The following TRAPPC9 variants were observed in gnomAD, a reference collection of about 807,000 sequenced individuals.
TRAPPC9 encodes the protein IKK2 binding protein.
In TRAPPC9, 83 loss-of-function variants were observed where a neutral mutation model predicts 124.0. The observed-to-expected ratio is 0.67, with a 90% CI of 0.56 to 0.80. TRAPPC9 has a LOEUF of 0.80. Among genes scored for constraint, TRAPPC9 ranks in the 30% least tolerant of loss-of-function variants. TRAPPC9 has a pLI of 0.00. For synonymous variants in TRAPPC9, 638 were observed against 617.5 expected, an observed-to-expected ratio of 1.03 and a Z score of -0.49; for missense variants, 1,302 against 1,508.3, an observed-to-expected ratio of 0.86 and a Z score of 2.27.
chr8:140,149,912 A>G (rs2061519200), intron 17 of TRAPPC9, among the ~76,000 whole-genome samples: 1 of 152,198 alleles, frequency 6.6e-6, no homozygotes, highest in Admixed American at 6.5e-5. Flanking sequence ...TCTAGGTGTT[A>G]TGTAAAACAC....
intron 9 of TRAPPC9, among the ~76,000 whole-genome samples, chr8:140,324,201 G>C (rs569736689): frequency 6.6e-6 from 1 of 152,130 alleles, no homozygotes; most frequent in Middle Eastern, 3.4e-3. Flanking sequence ...ATAAAAGGAT[G>C]GGGGGGAAAA....
At position 140,056,124 on chromosome 8, in the gene TRAPPC9, G is replaced by A. The variant is rs566764410; in HGVS notation, c.2557-32045C>T. ...AAAGCTATAGTAATTAAAACAGCAT[G>A]GTAGCCAGGCACAGTGACTCATGCC... On this transcript the variant is annotated intron_variant, in intron 17 of 22. Coordinates refer to ENST00000438773, the MANE Select transcript of TRAPPC9 (RefSeq NM_001160372.4). 2.6e-4 allele frequency among the ~76,000 whole-genome samples: 40 copies of A among 152,012 alleles called. 1 individual carries two copies. The highest frequency in any genetic ancestry group is 4.9e-4 in the Non-Finnish European group (33 of 68,010).
At chr8:140,371,680 T>C (rs892150686) in intron 7 of TRAPPC9, among the ~76,000 whole-genome samples, 25 of 152,176 alleles carry the variant, frequency 1.6e-4, no homozygotes, top group Non-Finnish European at 2.8e-4. Context: ...AACAACCCTG[T>C]AGTGTAGCAA....
In TRAPPC9 at chr8:140,195,093, T is replaced by A. The variant is rs535066806; in HGVS notation, c.2556+26366A>T. 2.0e-5 allele frequency among the ~76,000 whole-genome samples: 3 copies of A among 150,948 alleles called. No homozygotes were observed. The South Asian group carries it at 6.3e-4, about 32-fold the overall frequency. Reference sequence around the variant, plus strand: ...CTAAAACACACTCAAGGATCCACCATACAGATCATACCTGTGAAACTAAAA... The same window carrying A: ...CTAAAACACACTCAAGGATCCACCAAACAGATCATACCTGTGAAACTAAAA... On this transcript the variant is annotated intron_variant, in intron 17 of 22. Coordinates refer to ENST00000438773, the MANE Select transcript of TRAPPC9 (RefSeq NM_001160372.4).
chr8:140,115,937 G>C (rs1429807896), intron 17 of TRAPPC9, among the ~76,000 whole-genome samples: 1 of 152,190 alleles, frequency 6.6e-6, no homozygotes, highest in Non-Finnish European at 1.5e-5. Context: ...CGCACAACAG[G>C]TGCGGATTAT....
chr8:139,924,556 T>C lies in TRAPPC9; in HGVS notation c.2811-14256A>G, dbSNP rs1455017252. On this transcript the variant is annotated intron_variant, in intron 19 of 22. Transcript: ENST00000438773. Reference sequence around the variant, plus strand: ...ATGCTGCCGGGCCCTGGCACAATCCTATTCCAGCCACCAGGAAGCCCTGCC... The same window carrying C: ...ATGCTGCCGGGCCCTGGCACAATCCCATTCCAGCCACCAGGAAGCCCTGCC... Among the ~76,000 whole-genome samples the C allele has an allele frequency of 3.9e-5, 6 of 152,206 alleles. No individual in the cohort carries two copies. In the South Asian group the frequency reaches 8.3e-4, roughly 21 times the overall value.
At chr8:140,412,630 T>C (rs1395501961) in intron 5 of TRAPPC9, among the ~76,000 whole-genome samples, 2 of 152,140 alleles carry the variant, frequency 1.3e-5, no homozygotes, top group Admixed American at 6.6e-5. Context: ...ACTTTGTATA[T>C]GCACAGAGAT....
At chr8:140,443,803 G>A (rs1318543475) in intron 2 of TRAPPC9, among the ~76,000 whole-genome samples, 3 of 151,904 alleles carry the variant, frequency 2.0e-5, no homozygotes, top group Admixed American at 6.6e-5. Flanking sequence ...CTGGGAGGCC[G>A]AGGCGGGCAG....
intron 17 of TRAPPC9, among the ~76,000 whole-genome samples, chr8:140,159,266 A>G (rs1413022812): frequency 6.6e-6 from 1 of 152,082 alleles, no homozygotes; most frequent in African/African-American, 2.4e-5. Flanking sequence ...ATTTACTATC[A>G]CCCCTACCAG....
chr8:139,745,336 T>C (rs536567872), intron 21 of TRAPPC9, among the ~76,000 whole-genome samples: 6 of 152,338 alleles, frequency 3.9e-5, no homozygotes, highest in Admixed American at 2.6e-4. Flanking sequence ...GGAAAGGTGG[T>C]GCGTGGAGTG....
In TRAPPC9 at chr8:139,895,692, C is replaced by T. The variant is rs568965266; in HGVS notation, c.2965-9723G>A. Among the ~76,000 whole-genome samples the T allele has an allele frequency of 6.6e-5, 10 of 152,308 alleles. No individual in the cohort carries two copies. In the South Asian group the frequency reaches 2.1e-3, roughly 32 times the overall value. The stretch of plus-strand genomic sequence containing the variant: ...CTGCACTTGAGTGTGGGCCTCACCC[C>T]GGTCAGAACTGAGAGGCTCTAGGGA... On this transcript the variant is annotated intron_variant, in intron 20 of 22. Transcript: ENST00000438773.
chr8:140,033,670 T>TGTTTTTG (rs1563706715), intron 17 of TRAPPC9, among the ~76,000 whole-genome samples: 2 of 78,232 alleles, frequency 2.6e-5, no homozygotes, highest in African/African-American at 8.3e-5. Context: ...TTTTTTTTTT[T>TGTTTTTG]TTTTTTTTTT....
chr8:140,239,564 C>T (rs539015749), intron 16 of TRAPPC9, among the ~76,000 whole-genome samples: 2 of 152,224 alleles, frequency 1.3e-5, no homozygotes, highest in Admixed American at 6.5e-5. Context: ...TCCCTTTGCT[C>T]GGGACTCACT....
Position 139,742,566 on chromosome 8 carries a change from T to C in TRAPPC9, c.3056-10364A>G, listed in dbSNP as rs969506189. 6.6e-6 allele frequency among the ~76,000 whole-genome samples: 1 copy of C among 151,834 alleles called. No homozygotes were observed. The highest frequency in any genetic ancestry group is 1.5e-5 in the Non-Finnish European group (1 of 67,984). On this transcript the variant is annotated intron_variant, in intron 21 of 22. Coordinates refer to ENST00000438773, the MANE Select transcript of TRAPPC9 (RefSeq NM_001160372.4). The surrounding 1 kb of genome is among the most constrained non-coding windows in gnomAD (Gnocchi z 4.7). ...GCAAGTCAGGGGCCACCAGAGAGGG[T>C]CAGGACCCAAACTTTGGGCAAGCTA...
chr8:140,062,566 C>G (rs1197474126), intron 17 of TRAPPC9, among the ~76,000 whole-genome samples: 2 of 152,240 alleles, frequency 1.3e-5, no homozygotes, highest in Admixed American at 6.5e-5. Flanking sequence ...CTCAGAGACC[C>G]TCCTCACTTC....
intron 8 of TRAPPC9, among the ~76,000 whole-genome samples, chr8:140,368,192 G>A (rs921490022): frequency 6.6e-6 from 1 of 152,134 alleles, no homozygotes; most frequent in African/African-American, 2.4e-5. Flanking sequence ...CCTTGCTTTT[G>A]TCTTAGCCGT....
At position 140,157,200 on chromosome 8, in the gene TRAPPC9, A is replaced by G. The variant is rs74884196; in HGVS notation, c.2556+64259T>C. Among the ~76,000 whole-genome samples the G allele has an allele frequency of 9.9e-3, 432 of 43,784 alleles. 22 individuals are homozygous for G. The highest frequency in any genetic ancestry group is 0.019 in the African/African-American group (193 of 10,316). The allele number at this position is 43,784 out of a possible 152,430, so 28.7% of individuals were successfully genotyped here. On this transcript the variant is annotated intron_variant, in intron 17 of 22. Transcript: ENST00000438773. Reference sequence around the variant, plus strand: ...TTCAAAAGCCTCCCTTTTCCATTCAAAAGCCTCCCTTTTCCATTCAAAAGC... The same window carrying G: ...TTCAAAAGCCTCCCTTTTCCATTCAGAAGCCTCCCTTTTCCATTCAAAAGC...
chr8:140,427,317 T>G (rs1280118560), intron 4 of TRAPPC9, among the ~76,000 whole-genome samples: 2 of 151,942 alleles, frequency 1.3e-5, no homozygotes, highest in Admixed American at 6.6e-5. Context: ...AAGGTGCCAG[T>G]GGCTCTGTGG....
At chr8:140,208,116 C>A (rs1237032458) in intron 17 of TRAPPC9, among the ~76,000 whole-genome samples, 2 of 151,016 alleles carry the variant, frequency 1.3e-5, no homozygotes, top group African/African-American at 4.9e-5. Context: ...CACCGTTGCA[C>A]TCCAGCCTGG....
Sources: gnomAD v4.1 joint callset for allele counts (sites outside exome capture counted in the v4.1 genomes callset) on GRCh38, gnomAD v4.1.1 for gene constraint, Gnocchi (gnomAD v3.1) non-coding constraint, MANE v1.5 for transcripts, NCBI Gene and HGNC (gene_info 2026-07-23, HGNC 2026-07-21) for gene names.